KANK1: variants seen among roughly 807,000 people sequenced by gnomAD.
KANK1 encodes KN motif and ankyrin repeat domains 1.
Under a neutral mutation model 106.2 loss-of-function variants are expected in KANK1, and 109 were observed. The observed-to-expected ratio is 1.03, with a 90% CI of 0.88 to 1.20. The LOEUF is 1.20. Among genes scored for constraint, KANK1 ranks in the 50% most tolerant of loss-of-function variants. The probability of loss-of-function intolerance (pLI) is 0.00; values close to 1 mark genes in which losing one functional copy is unlikely to be tolerated. For synonymous variants in KANK1, 873 were observed against 652.2 expected (o/e 1.34, Z -5.16); for missense variants, 2,399 against 1,710.7 (o/e 1.40, Z -7.10).
rs114152214 is a variant in KANK1, at chr9:712,634, A to G, written c.1868A>G (p.Lys623Arg). 4.1e-5 allele frequency: 66 copies of G among 1,614,092 alleles called. No homozygotes were observed. The East Asian group carries it at 1.4e-3, about 35-fold the overall frequency. ...CTCCTCAAGACAAACTTGAATCTCA[A>G]AGAAGTGCGGTCTATCGGTTGTGGA... ...LTLLKTNLNL[K>R]EVRSIGCGDC... The change falls in exon 3 of 12, where the codon AAA becomes AGA. Residue 623 changes from lysine (K) to arginine (R), a missense_variant. Transcript: ENST00000382297.
At chr9:550,584 G>C (rs1206200723) in intron 1 of KANK1, among the ~76,000 whole-genome samples, 1 of 152,204 alleles carries the variant, frequency 6.6e-6, no homozygotes, top group Non-Finnish European at 1.5e-5. Flanking sequence ...TCCAGCCTCA[G>C]CAACAGAGGG....
Position 559,791 on chromosome 9 carries a change from G to A in KANK1, c.-84+55037G>A, listed in dbSNP as rs138768748. ...TTCCTAACAAGATTTGAGTTTTCTC[G>A]GATTAAATATGGTTGTGGCTCTCTA... is the stretch of plus-strand genomic sequence containing the variant. On this transcript the variant is annotated intron_variant, in intron 1 of 11. Coordinates refer to ENST00000382297, the MANE Select transcript of KANK1 (RefSeq NM_015158.5). 1.1e-3 allele frequency among the ~76,000 whole-genome samples: 161 copies of A among 152,266 alleles called. 1 individual carries two copies. The highest frequency in any genetic ancestry group is 3.6e-3 in the African/African-American group (148 of 41,562).
Position 614,679 on chromosome 9 carries a change from G to A in KANK1, c.-83-62211G>A, listed in dbSNP as rs192433536. Reference sequence around the variant, plus strand: ...CCCAGTAACACTCCCATGCATTTCCGTGTGCCTCCTGGGGTGGGGCCAGTA... The same window carrying A: ...CCCAGTAACACTCCCATGCATTTCCATGTGCCTCCTGGGGTGGGGCCAGTA... On this transcript the variant is annotated intron_variant, in intron 1 of 11. Coordinates refer to ENST00000382297, the MANE Select transcript of KANK1 (RefSeq NM_015158.5). Among the ~76,000 whole-genome samples, 25 of 152,224 alleles carry A rather than the reference G, an allele frequency of 1.6e-4. 1 individual carries two copies. Among genetic ancestry groups the A allele is most frequent in the African/African-American group, 5.5e-4 (23 of 41,524 alleles).
intron 9 of KANK1, among the ~76,000 whole-genome samples, chr9:741,362 C>G (rs925451918): frequency 6.6e-6 from 1 of 151,838 alleles, no homozygotes; most frequent in Non-Finnish European, 1.5e-5. Context: ...CTCTGTCCCC[C>G]AGGCTGGAGT....
At chr9:702,063 C>T (rs1297345214) in intron 2 of KANK1, among the ~76,000 whole-genome samples, 2 of 152,146 alleles carry the variant, frequency 1.3e-5, no homozygotes, top group Admixed American at 6.5e-5. Flanking sequence ...TTGATTTCAC[C>T]TTTTCTCTGA....
intron 2 of KANK1, among the ~76,000 whole-genome samples, chr9:682,816 A>T (rs12379640): frequency 0.14 from 21,756 of 152,180 alleles, 2,245 homozygotes; most frequent in African/African-American, 0.29. Flanking sequence ...TGCTGATCTT[A>T]AATGAGTACA....
At chr9:541,812 G>A (rs921314250) in intron 1 of KANK1, among the ~76,000 whole-genome samples, 11 of 152,228 alleles carry the variant, frequency 7.2e-5, no homozygotes, top group African/African-American at 1.4e-4. Context: ...TGAACAGGCC[G>A]GGCGCGGTGG....
Position 529,118 on chromosome 9 carries a change from A to T in KANK1, c.-84+24364A>T, listed in dbSNP as rs148372171. The stretch of plus-strand genomic sequence containing the variant: ...CTGGCCCATGGCTCAGATTTAAAAG[A>T]TGTAAAAGGTGTATAGTGAAAAGCC... On this transcript the variant is annotated intron_variant, in intron 1 of 11. Coordinates refer to ENST00000382297, the MANE Select transcript of KANK1 (RefSeq NM_015158.5). 2.0e-5 allele frequency among the ~76,000 whole-genome samples: 3 copies of T among 150,890 alleles called. No homozygotes were observed. In the East Asian group the frequency reaches 6.0e-4, roughly 30 times the overall value.
chr9:723,140 G>A (rs1829791988), intron 3 of KANK1, among the ~76,000 whole-genome samples: 1 of 152,150 alleles, frequency 6.6e-6, no homozygotes, highest in South Asian at 2.1e-4. Flanking sequence ...TAAGTCACAG[G>A]ACCACTCTGA....
At chr9:658,898 T>C (rs1172398307) in intron 1 of KANK1, among the ~76,000 whole-genome samples, 1 of 152,164 alleles carries the variant, frequency 6.6e-6, no homozygotes, top group Non-Finnish European at 1.5e-5. Flanking sequence ...GGTCTTAGTT[T>C]CAATGTTGTT....
At chr9:580,615 GAC>G (rs1821831207) in intron 1 of KANK1, among the ~76,000 whole-genome samples, 1 of 152,224 alleles carries the variant, frequency 6.6e-6, no homozygotes, top group East Asian at 1.9e-4. Context: ...CCTTGAGCTA[GAC>G]ACAGAGTGCT....
rs16923078 is a variant in KANK1, at chr9:717,976, T to C, written c.2698+4512T>C. Among the ~76,000 whole-genome samples, 172 of 146,856 alleles carry C rather than the reference T, an allele frequency of 1.2e-3. 2 individuals carry two copies. In the East Asian group the frequency reaches 0.026, roughly 22 times the overall value. On this transcript the variant is annotated intron_variant, in intron 3 of 11. Coordinates refer to ENST00000382297, the MANE Select transcript of KANK1 (RefSeq NM_015158.5). ...TCCGTATTTATACTCTTAGTTATCT[T>C]AGTTCATCAAAAGTTAATGAACTCG...
chr9:740,664 C>A, intron 8 of KANK1, 128 bp from the exon 9 acceptor site: 1 of 1,051,514 alleles, frequency 9.5e-7, no homozygotes, highest in Non-Finnish European at 1.4e-6. Context: ...CTAAGTCACT[C>A]TTGGTCTCCA....
intron 1 of KANK1, among the ~76,000 whole-genome samples, chr9:676,230 A>T (rs1460579109): frequency 2.0e-5 from 3 of 152,176 alleles, no homozygotes; most frequent in Non-Finnish European, 4.4e-5. Context: ...TAAAGGTCTC[A>T]GCCTTATTTT....
chr9:603,722 G>A (rs1227172407), intron 1 of KANK1, among the ~76,000 whole-genome samples: 1 of 151,560 alleles, frequency 6.6e-6, no homozygotes, highest in African/African-American at 2.4e-5. Flanking sequence ...TTGGGAGGTC[G>A]AGGCGGGCGG....
At chr9:619,968 G>T (rs536284938) in intron 1 of KANK1, among the ~76,000 whole-genome samples, 1 of 151,906 alleles carries the variant, frequency 6.6e-6, no homozygotes. Flanking sequence ...AAAACCCTGT[G>T]TCTACTAAAA....
At chr9:655,893 C>T (rs1224192274) in intron 1 of KANK1, among the ~76,000 whole-genome samples, 1 of 152,208 alleles carries the variant, frequency 6.6e-6, no homozygotes, top group Non-Finnish European at 1.5e-5. Flanking sequence ...TTTAGTATGA[C>T]ACATGTAGTA....
At chr9:503,032 G>C (rs1445719444), upstream of KANK1, among the ~76,000 whole-genome samples, 1 of 91,814 alleles carries the variant, frequency 1.1e-5, no homozygotes, top group African/African-American at 4.0e-5. Context: ...TTTTTTTGGT[G>C]AAAACAGAAT....
At chr9:616,580 C>G (rs1320927003) in intron 1 of KANK1, among the ~76,000 whole-genome samples, 1 of 152,202 alleles carries the variant, frequency 6.6e-6, no homozygotes, top group Admixed American at 6.5e-5. Context: ...TATCCTCTAT[C>G]CTTCCATCCA....
Sources: gnomAD v4.1 joint callset for allele counts (sites outside exome capture counted in the v4.1 genomes callset) on GRCh38, gnomAD v4.1.1 for gene constraint, MANE v1.5 for transcripts, NCBI Gene and HGNC (gene_info 2026-07-23, HGNC 2026-07-21) for gene names.